Variants in BANK1 observed in about 807,000 individuals in gnomAD.
BANK1 encodes B-cell scaffold protein with ankyrin repeats.
BANK1 carries 95 observed loss-of-function variants against 94.5 expected under a neutral mutation model. That is an observed-to-expected ratio of 1.00 (90% CI 0.85 to 1.19). BANK1 has a LOEUF of 1.19. Among genes scored for constraint, BANK1 ranks in the 50% most tolerant of loss-of-function variants. The pLI, the probability that BANK1 is intolerant of heterozygous loss-of-function variation, is 0.00. For synonymous variants in BANK1, 334 were observed against 308.4 expected (o/e 1.08, Z -0.87); for missense variants, 987 against 932.2 (o/e 1.06, Z -0.77).
rs1357183329 is a variant in BANK1, at chr4:102,071,297, T to G, written c.2235T>G (p.His745Gln). 6.2e-7 allele frequency: 1 copy of G among 1,613,864 alleles called. No individual in the cohort carries two copies. The highest frequency in any genetic ancestry group is 2.2e-5 in the East Asian group (1 of 44,850). ...CAGATAAACTCACCATTGTGCACCA[T>G]CCAGGTGGTAAGTGCTTGGTATTTA... Reference protein sequence around the residue: ...NVYNKLTIVHHPGGKETAHNE... With the variant: ...NVYNKLTIVHQPGGKETAHNE... The change falls in exon 14 of 17, where the codon CAT becomes CAG. Residue 745 changes from histidine (H) to glutamine (Q), a missense_variant. By Grantham distance (24) the His-to-Gln change is conservative. Transcript: ENST00000322953.
At chr4:101,839,955 T>A (rs1276362118) in intron 2 of BANK1, among the ~76,000 whole-genome samples, 1,025 of 42,142 alleles carry the variant, frequency 0.024, 60 homozygotes, top group African/African-American at 0.077. Flanking sequence ...TTTTTTTTTT[T>A]TTTTTTTTTT....
chr4:101,942,501 C>T (rs1240768001), intron 7 of BANK1, among the ~76,000 whole-genome samples: 1 of 151,838 alleles, frequency 6.6e-6, no homozygotes, highest in Non-Finnish European at 1.5e-5. Context: ...CACATCTTGA[C>T]AATGCTCTCT....
chr4:101,895,455 C>A, intron 6 of BANK1, 45 bp downstream of exon 6: 1 of 1,164,134 alleles, frequency 8.6e-7, no homozygotes, highest in Non-Finnish European at 1.3e-6. Context: ...TATCACATTC[C>A]ATTCTATGTA....
At chr4:102,050,631 T>C (rs1214662434) in intron 11 of BANK1, among the ~76,000 whole-genome samples, 3 of 152,222 alleles carry the variant, frequency 2.0e-5, no homozygotes, top group Non-Finnish European at 4.4e-5. Flanking sequence ...AAGACCATGC[T>C]TCCTGAAATA....
At chr4:101,835,162 A>G (rs933712463) in intron 2 of BANK1, among the ~76,000 whole-genome samples, 2 of 152,120 alleles carry the variant, frequency 1.3e-5, no homozygotes, top group Non-Finnish European at 2.9e-5. Context: ...TAGTCTTTCC[A>G]CATTTATAGG....
chr4:101,947,333 ATTC>A (rs1723970237), intron 7 of BANK1, among the ~76,000 whole-genome samples: 1 of 135,366 alleles, frequency 7.4e-6, no homozygotes, highest in East Asian at 2.2e-4. Context: ...TATGTATTAT[ATTC>A]TTCATCATAT....
At chr4:102,046,190 G>A (rs930646863) in intron 11 of BANK1, among the ~76,000 whole-genome samples, 3 of 151,686 alleles carry the variant, frequency 2.0e-5, no homozygotes, top group African/African-American at 7.3e-5. Context: ...CAAGCAATGG[G>A]GAAAGGATTC....
In BANK1 at chr4:102,033,006, G is replaced by T. The variant is rs566569644; in HGVS notation, c.1900+2741G>T. On this transcript the variant is annotated intron_variant, in intron 10 of 16. Coordinates refer to ENST00000322953, the MANE Select transcript of BANK1 (RefSeq NM_017935.5). Reference sequence around the variant, plus strand: ...TAGGTAACCAGCTTTTTCATTGGATGGCCCCAAAATATTATTTATGTAAGT... The same window carrying T: ...TAGGTAACCAGCTTTTTCATTGGATTGCCCCAAAATATTATTTATGTAAGT... Among the ~76,000 whole-genome samples the T allele has an allele frequency of 3.9e-4, 59 of 152,152 alleles. 1 individual carries two copies. In the South Asian group the frequency reaches 4.6e-3, roughly 12 times the overall value.
intron 7 of BANK1, among the ~76,000 whole-genome samples, chr4:101,948,636 G>C (rs891920144): frequency 1.3e-5 from 2 of 152,030 alleles, no homozygotes; most frequent in South Asian, 4.1e-4. Flanking sequence ...AGGTGCTGTG[G>C]ATATTGCCTT....
In BANK1 at chr4:101,931,901, C is replaced by T. The variant is rs549143130; in HGVS notation, c.1206+13712C>T. 5.3e-5 allele frequency among the ~76,000 whole-genome samples: 8 copies of T among 151,436 alleles called. No homozygotes were observed. The South Asian group carries it at 1.7e-3, about 31-fold the overall frequency. On this transcript the variant is annotated intron_variant, in intron 7 of 16. Transcript: ENST00000322953. Reference sequence around the variant, plus strand: ...GACAGAGAGGAGCAGAAACATGGGCCATGGCAAAGCTATAAAAATCCATAA... The same window carrying T: ...GACAGAGAGGAGCAGAAACATGGGCTATGGCAAAGCTATAAAAATCCATAA...
At chr4:102,018,820 CT>C (rs1199831397) in intron 7 of BANK1, among the ~76,000 whole-genome samples, 143 of 140,538 alleles carry the variant, frequency 1.0e-3, no homozygotes, top group South Asian at 2.7e-3. Flanking sequence ...TCTTTCTTTC[CT>C]TTTTTTTTTT....
intron 1 of BANK1, among the ~76,000 whole-genome samples, chr4:101,791,771 G>T (rs1207557798): frequency 6.6e-6 from 1 of 152,174 alleles, no homozygotes; most frequent in East Asian, 1.9e-4. Context: ...AATTTTTTAG[G>T]TAATGTAATT....
At chr4:102,010,221 A>T (rs576776031) in intron 7 of BANK1, among the ~76,000 whole-genome samples, 1 of 151,774 alleles carries the variant, frequency 6.6e-6, no homozygotes, top group Non-Finnish European at 1.5e-5. Flanking sequence ...GCAGAGATCC[A>T]GCCACTGCAC....
chr4:101,804,130 G>A (rs1725466555), intron 1 of BANK1, among the ~76,000 whole-genome samples: 1 of 150,302 alleles, frequency 6.7e-6, no homozygotes, highest in Non-Finnish European at 1.5e-5. Flanking sequence ...ATACAAATCT[G>A]AAAAAGCTAA....
intron 1 of BANK1, among the ~76,000 whole-genome samples, chr4:101,806,657 TGC>T (rs1441007954): frequency 6.6e-6 from 1 of 152,200 alleles, no homozygotes. Flanking sequence ...ATAATAGTAA[TGC>T]AATTAATATC....
intron 14 of BANK1, 88 bp from the exon 15 acceptor site, chr4:102,072,257 G>T (rs1456318088): frequency 1.7e-6 from 2 of 1,145,530 alleles, no homozygotes; most frequent in South Asian, 1.4e-5. Flanking sequence ...TCTTACCTTT[G>T]TAGAAATCAT....
intron 7 of BANK1, among the ~76,000 whole-genome samples, chr4:101,988,768 T>A (rs1027459835): frequency 2.6e-5 from 4 of 152,170 alleles, no homozygotes; most frequent in Admixed American, 1.3e-4. Context: ...CCCTTGATTA[T>A]TCAAACTCAC....
chr4:101,990,927 C>T (rs554339123), intron 7 of BANK1, among the ~76,000 whole-genome samples: 2 of 152,250 alleles, frequency 1.3e-5, no homozygotes, highest in African/African-American at 4.8e-5. Flanking sequence ...CAGTGCTTGG[C>T]ATGCAGTAGG....
intron 11 of BANK1, among the ~76,000 whole-genome samples, chr4:102,047,971 G>A (rs941685681): frequency 6.6e-6 from 1 of 152,088 alleles, no homozygotes; most frequent in Non-Finnish European, 1.5e-5. Flanking sequence ...ATGCAATATT[G>A]TATTGATTAC....
Sources: gnomAD v4.1 joint callset for allele counts (sites outside exome capture counted in the v4.1 genomes callset) on GRCh38, gnomAD v4.1.1 for gene constraint, MANE v1.5 for transcripts, NCBI Gene and HGNC (gene_info 2026-07-23, HGNC 2026-07-21) for gene names.